Variants in RNF220 observed in about 807,000 individuals in gnomAD.
The protein encoded by RNF220 is E3 ubiquitin-protein ligase RNF220.
In RNF220, 7 loss-of-function variants were observed where a neutral mutation model predicts 67.1. The ratio of observed to expected loss-of-function variants is 0.10; its 90% CI spans 0.06 to 0.20. The LOEUF (loss-of-function observed/expected upper bound fraction) is 0.20, where lower values mean the gene tolerates loss of function less well. RNF220 is among the 10% of genes least tolerant of loss of function. RNF220 has a pLI of 1.00. For missense variants in RNF220, 565 were observed against 740.3 expected (o/e 0.76, Z 2.75); for synonymous variants, 270 against 283.2 (o/e 0.95, Z 0.47).
At chr1:44,528,369 C>T (rs1332924017) in intron 2 of RNF220, among the ~76,000 whole-genome samples, 4 of 151,452 alleles carry the variant, frequency 2.6e-5, no homozygotes, top group East Asian at 2.0e-4. Flanking sequence ...GGCGCTATCT[C>T]GGCTCACTGC....
chr1:44,649,765 G>T lies in RNF220; in HGVS notation c.1550G>T (p.Cys517Phe). The T allele has an allele frequency of 6.2e-7, 1 of 1,613,982 alleles. No individual in the cohort carries two copies. The highest frequency in any genetic ancestry group is 8.5e-7 in the Non-Finnish European group (1 of 1,179,896). ...GGGGACCGTTACAAATGCCTCATCT[G>T]CATGGTGAGTAGAAAAGAACCTAGG... ...SRGDRYKCLI[C>F]MDSYSMPLTS... Residue 517 changes from cysteine to phenylalanine, a missense_variant, in exon 13 of 15, where the codon TGC (cysteine) becomes TTC (phenylalanine). Cys to Phe is a radical substitution (Grantham distance 205, BLOSUM62 -2). Transcript: ENST00000361799. The surrounding 1 kb of genome is among the most constrained non-coding windows in gnomAD (Gnocchi z 5.9).
At chr1:44,489,352 C>T (rs1043740866) in intron 2 of RNF220, among the ~76,000 whole-genome samples, 1 of 152,200 alleles carries the variant, frequency 6.6e-6, no homozygotes, top group Admixed American at 6.5e-5. Flanking sequence ...TATAACTATA[C>T]ATACTATGAA....
chr1:44,520,085 T>TTTTGTGTGTGTG (rs1275270439), intron 2 of RNF220, among the ~76,000 whole-genome samples: 6 of 106,460 alleles, frequency 5.6e-5, no homozygotes, highest in African/African-American at 2.1e-4. Context: ...AAGTCCAGCA[T>TTTTGTGTGTGTG]TGTGTGTGTG....
chr1:44,541,514 A>C (rs892138136), intron 2 of RNF220, among the ~76,000 whole-genome samples: 4 of 152,268 alleles, frequency 2.6e-5, no homozygotes, highest in African/African-American at 7.2e-5. Context: ...CAACATTGTC[A>C]GTATTTATCA....
At chr1:44,593,393 A>G (rs1242066383) in intron 2 of RNF220, among the ~76,000 whole-genome samples, 4 of 152,180 alleles carry the variant, frequency 2.6e-5, no homozygotes, top group African/African-American at 7.2e-5. Flanking sequence ...ATCTAAAGAA[A>G]TTTTTCATAT....
Position 44,565,511 on chromosome 1 carries a change from G to A in RNF220, c.626-48654G>A, listed in dbSNP as rs1055849373. Among the ~76,000 whole-genome samples the A allele has an allele frequency of 1.3e-5, 2 of 152,124 alleles. No individual in the cohort carries two copies. Among genetic ancestry groups the A allele is most frequent in the South Asian group, 2.1e-4 (1 of 4,828 alleles). ...CTGGGGACAGCAGGCAGGAAGCAGT[G>A]GGCCCATTCCTCAGCGCTAATGCCC... On this transcript the variant is annotated intron_variant, in intron 2 of 14. Transcript: ENST00000361799. This position sits in a 1 kb window ranked among gnomAD's most constrained non-coding sequence, Gnocchi z 4.2.
intron 6 of RNF220, among the ~76,000 whole-genome samples, chr1:44,633,326 G>A (rs190889044): frequency 6.6e-6 from 1 of 152,338 alleles, no homozygotes; most frequent in Non-Finnish European, 1.5e-5. Context: ...CAGCTGGGAT[G>A]TAACTGAGCC....
At chr1:44,509,995 T>C (rs948997810) in intron 2 of RNF220, among the ~76,000 whole-genome samples, 4 of 151,386 alleles carry the variant, frequency 2.6e-5, no homozygotes, top group African/African-American at 9.7e-5. Context: ...CCCAACACTT[T>C]GGGAGGCCAA....
At chr1:44,426,245 G>T (rs1435218871) in intron 2 of RNF220, among the ~76,000 whole-genome samples, 1 of 152,182 alleles carries the variant, frequency 6.6e-6, no homozygotes, top group Non-Finnish European at 1.5e-5. Context: ...GGAATGATAG[G>T]CAGAATCAAG....
chr1:44,609,446 G>T (rs1477021285), intron 2 of RNF220, among the ~76,000 whole-genome samples: 1 of 152,206 alleles, frequency 6.6e-6, no homozygotes, highest in Non-Finnish European at 1.5e-5. Context: ...ACACGGTGGG[G>T]AGCTGCAAGG....
At chr1:44,570,940 G>A (rs994716614) in intron 2 of RNF220, among the ~76,000 whole-genome samples, 2 of 152,038 alleles carry the variant, frequency 1.3e-5, no homozygotes, top group East Asian at 3.9e-4. Flanking sequence ...TGGGCATGGT[G>A]GTGCGCACGT....
At chr1:44,620,774 G>T (rs1643757099) in intron 3 of RNF220, among the ~76,000 whole-genome samples, 1 of 152,118 alleles carries the variant, frequency 6.6e-6, no homozygotes, top group African/African-American at 2.4e-5. Context: ...TATGTGTGTT[G>T]TGCATCTGTG....
intron 3 of RNF220, among the ~76,000 whole-genome samples, chr1:44,620,368 G>T (rs1385931132): frequency 2.0e-5 from 3 of 152,216 alleles, no homozygotes; most frequent in African/African-American, 7.2e-5. Flanking sequence ...GCTGTCACCT[G>T]ATCCAACTGG....
intron 2 of RNF220, among the ~76,000 whole-genome samples, chr1:44,473,011 C>G (rs904073976): frequency 1.3e-5 from 2 of 152,160 alleles, no homozygotes; most frequent in Non-Finnish European, 2.9e-5. Flanking sequence ...CTGGAAGGTT[C>G]TGGCTTTGAG....
At chr1:44,513,703 G>A (rs188671051) in intron 2 of RNF220, among the ~76,000 whole-genome samples, 6 of 152,254 alleles carry the variant, frequency 3.9e-5, no homozygotes, top group East Asian at 1.9e-4. Context: ...ATATGTTTTC[G>A]GGGTGAAAAA....
At chr1:44,620,414 C>T (rs1431774378) in intron 3 of RNF220, among the ~76,000 whole-genome samples, 3 of 152,220 alleles carry the variant, frequency 2.0e-5, no homozygotes, top group African/African-American at 7.2e-5. Flanking sequence ...GTAGAGCAAG[C>T]ATGGTGTTGT....
At chr1:44,433,547 G>A (rs1650635998) in intron 2 of RNF220, among the ~76,000 whole-genome samples, 1 of 152,188 alleles carries the variant, frequency 6.6e-6, no homozygotes, top group Admixed American at 6.5e-5. Flanking sequence ...ACCACTTGGA[G>A]TTCTTATATG....
intron 2 of RNF220, among the ~76,000 whole-genome samples, chr1:44,414,530 T>TA (rs1269764260): frequency 2.0e-5 from 3 of 152,182 alleles, no homozygotes; most frequent in Non-Finnish European, 2.9e-5. Context: ...TCAGAACTCA[T>TA]AGACGTGGAT....
chr1:44,530,384 T>C (rs192569228), intron 2 of RNF220, among the ~76,000 whole-genome samples: 21 of 152,292 alleles, frequency 1.4e-4, no homozygotes, highest in Admixed American at 7.8e-4. Context: ...AGCAGAGATC[T>C]CAAGAAATTT....
Sources: allele counts gnomAD v4.1 joint callset (sites outside exome capture counted in the v4.1 genomes callset), GRCh38; gene constraint gnomAD v4.1.1; non-coding constraint Gnocchi (gnomAD v3.1); transcripts MANE v1.5; gene names NCBI Gene and HGNC (gene_info 2026-07-23, HGNC 2026-07-21).